Variants in TMEM108 observed in about 807,000 individuals in gnomAD.
The protein encoded by TMEM108 is transmembrane protein 108, also known as cancer/testis antigen 124.
A neutral mutation model predicts 35.1 loss-of-function variants in TMEM108; 12 were observed. That is an observed-to-expected ratio of 0.34 (90% confidence interval 0.22 to 0.55). TMEM108 has a LOEUF of 0.55. Ranked by LOEUF, TMEM108 falls within the 20% of genes least tolerant of loss-of-function variation. TMEM108 has a pLI of 0.89. For synonymous variants in TMEM108, 287 were observed against 308.6 expected, an observed-to-expected ratio of 0.93 and a Z score of 0.73; for missense variants, 680 against 753.3, an observed-to-expected ratio of 0.90 and a Z score of 1.14.
chr3:133,192,908 C>CTGTGTGTG (rs113164836), intron 2 of TMEM108: 16 of 150,668 alleles, frequency 1.1e-4, no homozygotes, highest in African/African-American at 3.9e-4. Context: ...GAAGTTTACA[C>CTGTGTGTG]TGTGTGTGTG....
intron 2 of TMEM108, among the ~76,000 whole-genome samples, chr3:133,180,010 T>G (rs1945307852): frequency 6.6e-6 from 1 of 152,048 alleles, no homozygotes; most frequent in Admixed American, 6.6e-5. Context: ...ATTATGAATA[T>G]AGGTTCAAAA....
intron 4 of TMEM108, chr3:133,387,444 G>A (rs1187924311): frequency 8.1e-6 from 8 of 985,362 alleles, no homozygotes; most frequent in Non-Finnish European, 8.4e-6. Context: ...GGGGAAGACA[G>A]CGTGGAGCAG....
intron 2 of TMEM108, among the ~76,000 whole-genome samples, chr3:133,082,960 CTT>C (rs1464133515): frequency 6.6e-6 from 1 of 152,144 alleles, no homozygotes; most frequent in East Asian, 1.9e-4. Context: ...GGCCTGTAAA[CTT>C]TTTGTACAAA....
At chr3:133,322,126 AAAC>A (rs892175370) in intron 3 of TMEM108, among the ~76,000 whole-genome samples, 14 of 152,196 alleles carry the variant, frequency 9.2e-5, no homozygotes, top group African/African-American at 2.9e-4. Context: ...GGTACTAGAG[AAAC>A]AACAACAATC....
At chr3:133,066,922 GT>G (rs961191203) in intron 2 of TMEM108, among the ~76,000 whole-genome samples, 1 of 147,440 alleles carries the variant, frequency 6.8e-6, no homozygotes, top group Non-Finnish European at 1.5e-5. Context: ...TAATGTGCAT[GT>G]TTTTTTCTGT....
intron 4 of TMEM108, chr3:133,386,611 T>C: frequency 2.8e-6 from 4 of 1,439,268 alleles, no homozygotes; most frequent in Non-Finnish European, 3.6e-6. Context: ...TCAAGGAAAT[T>C]GGGACTCCAT....
rs11276649 is a variant in TMEM108 at position 133,368,188 on chromosome 3, C to CCAAGTGTTCCAGAGA, written c.41-11562_41-11561insAGTGTTCCAGAGACA. Among the ~76,000 whole-genome samples, 145 of 151,724 alleles carry CCAAGTGTTCCAGAGA rather than the reference C, an allele frequency of 9.6e-4. No homozygotes were observed. The Middle Eastern group carries it at 0.01, about 11-fold the overall frequency. On this transcript the variant is annotated intron_variant, in intron 3 of 5. Transcript: ENST00000321871. ...ATTCAGTGCACTGGGTTTATAGGAG[C>CCAAGTGTTCCAGAGA]CACCACTGCAGGCCTGTCCCTTGCA...
intron 3 of TMEM108, among the ~76,000 whole-genome samples, chr3:133,358,539 A>G (rs929503054): frequency 1.7e-4 from 26 of 152,206 alleles, no homozygotes; most frequent in Admixed American, 1.3e-3. Context: ...ATTTATTCAC[A>G]TAGAGCATGA....
Position 133,380,455 on chromosome 3 carries a change from A to G in TMEM108, c.744A>G (p.Pro248=). 9 of 1,613,850 alleles carry G rather than the reference A, an allele frequency of 5.6e-6. No individual in the cohort carries two copies. Among genetic ancestry groups the G allele is most frequent in the Non-Finnish European group, 7.6e-6 (9 of 1,179,936 alleles). The change falls in exon 4 of 6, where the codon CCA becomes CCG. Residue 248 remains proline (P), a synonymous_variant. Transcript: ENST00000321871. This position sits in a 1 kb window ranked among gnomAD's most constrained non-coding sequence, Gnocchi z 5.3. ...RTPLWGYSSS[P]QPQTVAATTV... is the part of the protein sequence containing the mutation. ...CACTCTGGGGCTACTCCTCTTCACC[A>G]CAGCCCCAGACAGTGGCTGCGACCA...
At chr3:133,203,503 A>G (rs780267458) in intron 2 of TMEM108, among the ~76,000 whole-genome samples, 1 of 152,172 alleles carries the variant, frequency 6.6e-6, no homozygotes, top group Non-Finnish European at 1.5e-5. Context: ...TTTAGCGTGA[A>G]TGCGTGTTGA....
chr3:133,258,179 C>A (rs566061493), intron 3 of TMEM108, among the ~76,000 whole-genome samples: 1 of 152,108 alleles, frequency 6.6e-6, no homozygotes, highest in African/African-American at 2.4e-5. Context: ...CTTTCTCACC[C>A]CTTCCTCCGT....
intron 2 of TMEM108, among the ~76,000 whole-genome samples, chr3:133,132,146 G>C (rs961073880): frequency 6.6e-6 from 1 of 152,190 alleles, no homozygotes. Flanking sequence ...AGTGCTCATG[G>C]AGAAGCTGCA....
chr3:133,353,573 A>C (rs1559921396), intron 3 of TMEM108, among the ~76,000 whole-genome samples: 1 of 152,192 alleles, frequency 6.6e-6, no homozygotes, highest in Non-Finnish European at 1.5e-5. Flanking sequence ...TCTCTGACCC[A>C]ATAAATTAGG....
At chr3:133,176,993 A>G (rs1442387187) in intron 2 of TMEM108, among the ~76,000 whole-genome samples, 3 of 152,194 alleles carry the variant, frequency 2.0e-5, no homozygotes, top group Non-Finnish European at 2.9e-5. Flanking sequence ...TATCACCACC[A>G]ATCCCACAGA....
intron 2 of TMEM108, among the ~76,000 whole-genome samples, chr3:133,218,345 C>A (rs763447152): frequency 3.3e-5 from 5 of 152,056 alleles, no homozygotes; most frequent in Non-Finnish European, 7.4e-5. Flanking sequence ...ATGTCATCTG[C>A]AGACAGAGAC....
intron 2 of TMEM108, among the ~76,000 whole-genome samples, chr3:133,157,298 C>G (rs1944895731): frequency 1.3e-5 from 2 of 152,098 alleles, no homozygotes; most frequent in Non-Finnish European, 2.9e-5. Context: ...GCTTTTCTGT[C>G]TACTTCTATT....
At chr3:133,103,472 A>G (rs541623122) in intron 2 of TMEM108, among the ~76,000 whole-genome samples, 7 of 152,254 alleles carry the variant, frequency 4.6e-5, no homozygotes, top group Admixed American at 1.3e-4. Flanking sequence ...TCAGGAAAGT[A>G]ACTAATGAGT....
Position 133,158,697 on chromosome 3 carries a change from G to A in TMEM108, c.-46-70569G>A, listed in dbSNP as rs557640132. Among the ~76,000 whole-genome samples the A allele has an allele frequency of 5.9e-5, 9 of 152,160 alleles. No homozygotes were observed. The South Asian group carries it at 1.2e-3, about 21-fold the overall frequency. On this transcript the variant is annotated intron_variant, in intron 2 of 5. Coordinates refer to ENST00000321871, the MANE Select transcript of TMEM108 (RefSeq NM_023943.4). Reference sequence around the variant, plus strand: ...CCTAAGTGTGTGCAGTGTTTGTGGCGGGAGATGTGAAGGAGCACTGTCCAT... The same window carrying A: ...CCTAAGTGTGTGCAGTGTTTGTGGCAGGAGATGTGAAGGAGCACTGTCCAT...
In TMEM108 at chr3:133,145,932, C is replaced by T. The variant is rs548490964; in HGVS notation, c.-46-83334C>T. 1.7e-3 allele frequency among the ~76,000 whole-genome samples: 262 copies of T among 152,306 alleles called. 2 individuals carry two copies. The highest frequency in any genetic ancestry group is 2.1e-4 in the Non-Finnish European group (14 of 68,028). ...GCAAACAGAGACAGTTTGACTTCCT[C>T]TCTTCCTATTTGAATACGCTTTATT... On this transcript the variant is annotated intron_variant, in intron 2 of 5. Coordinates refer to ENST00000321871, the MANE Select transcript of TMEM108 (RefSeq NM_023943.4).
Sources: gnomAD v4.1 joint callset for allele counts (sites outside exome capture counted in the v4.1 genomes callset) on GRCh38, gnomAD v4.1.1 for gene constraint, Gnocchi (gnomAD v3.1) non-coding constraint, MANE v1.5 for transcripts, NCBI Gene and HGNC (gene_info 2026-07-23, HGNC 2026-07-21) for gene names.